The following PACRG variants were observed in gnomAD, a reference collection of about 807,000 sequenced individuals.
The protein encoded by PACRG is parkin coregulated.
In PACRG, 29 loss-of-function variants were observed where a neutral mutation model predicts 29.7. The ratio of observed to expected loss-of-function variants is 0.98; its 90% CI spans 0.73 to 1.33. The LOEUF is 1.33. Ranked by LOEUF, PACRG falls within the 40% of genes most tolerant of loss-of-function variation. The pLI is 0.00. For synonymous variants in PACRG, 116 were observed against 118.7 expected, an observed-to-expected ratio of 0.98 and a Z score of 0.15; for missense variants, 279 against 316.2, an observed-to-expected ratio of 0.88 and a Z score of 0.89.
rs1398073481 is a variant in PACRG, at chr6:163,258,070, G to T, written c.614-56757G>T. Among the ~76,000 whole-genome samples the T allele has an allele frequency of 2.6e-5, 4 of 151,908 alleles. No individual in the cohort carries two copies. In the East Asian group the frequency reaches 7.8e-4, roughly 29 times the overall value. Reference sequence around the variant, plus strand: ...TTTATGTCTCATTGCATTAACTAGAGTTTTCAGAACACTATTAAGGAATCA... The same window carrying T: ...TTTATGTCTCATTGCATTAACTAGATTTTTCAGAACACTATTAAGGAATCA... On this transcript the variant is annotated intron_variant, in intron 4 of 4. Transcript: ENST00000366888.
rs1783743684 is a variant in PACRG at position 163,269,956 on chromosome 6, AAAGAAAGAAAGAAAG to A, written c.614-44868_614-44854del. 1.0e-4 allele frequency among the ~76,000 whole-genome samples: 7 copies of A among 68,904 alleles called. 1 individual carries two copies. Among genetic ancestry groups the A allele is most frequent in the East Asian group, 8.0e-4 (2 of 2,490 alleles). 45.2% of individuals were successfully genotyped at this position (68,904 alleles called of 152,430 possible). ...CAAAGAAAGAAAGAAAGAAAGAAAG[AAAGAAAGAAAGAAAG>A]AAAGAAAGAAAGAAAGAAAGAAAGA... On this transcript the variant is annotated intron_variant, in intron 4 of 4. Coordinates refer to ENST00000366888, the MANE Select transcript of PACRG (RefSeq NM_001080379.2).
rs982614501 is a variant in PACRG at position 162,830,544 on chromosome 6, G to A, written c.291+16263G>A. Among the ~76,000 whole-genome samples the A allele has an allele frequency of 8.5e-5, 13 of 152,368 alleles. 1 individual carries two copies. Among genetic ancestry groups the A allele is most frequent in the African/African-American group, 3.1e-4 (13 of 41,598 alleles). On this transcript the variant is annotated intron_variant, in intron 2 of 4. Coordinates refer to ENST00000366888, the MANE Select transcript of PACRG (RefSeq NM_001080379.2). Reference sequence around the variant, plus strand: ...ATCCCCCTCTCCCCAGGGACACAGTGATGTTTCTCCAGAGCTCAATACCAT... The same window carrying A: ...ATCCCCCTCTCCCCAGGGACACAGTAATGTTTCTCCAGAGCTCAATACCAT...
At chr6:163,064,378 C>T (rs535211209) in intron 3 of PACRG, among the ~76,000 whole-genome samples, 4 of 152,242 alleles carry the variant, frequency 2.6e-5, no homozygotes, top group Admixed American at 2.0e-4. Flanking sequence ...TGAGCGAAAA[C>T]GTTATCAAGA....
intron 4 of PACRG, among the ~76,000 whole-genome samples, chr6:163,186,154 G>A (rs1779915860): frequency 6.6e-6 from 1 of 152,172 alleles, no homozygotes; most frequent in Non-Finnish European, 1.5e-5. Flanking sequence ...TGCCTAGCCA[G>A]GGGGCTTCGT....
At chr6:163,019,217 A>G (rs1271539738) in intron 2 of PACRG, among the ~76,000 whole-genome samples, 2 of 152,152 alleles carry the variant, frequency 1.3e-5, no homozygotes, top group Admixed American at 1.3e-4. Flanking sequence ...AAGGGATTTG[A>G]CAACACTCTT....
chr6:163,285,771 C>T lies in PACRG; in HGVS notation c.614-29056C>T, dbSNP rs890885567. 2.5e-4 allele frequency among the ~76,000 whole-genome samples: 38 copies of T among 152,296 alleles called. 1 individual carries two copies. Among genetic ancestry groups the T allele is most frequent in the Admixed American group, 1.7e-3 (26 of 15,292 alleles). ...CTGTCATGGATGCATATACTATGTG[C>T]GGCTCTGTATAAATTCCTCTCAGGT... On this transcript the variant is annotated intron_variant, in intron 4 of 4. Coordinates refer to ENST00000366888, the MANE Select transcript of PACRG (RefSeq NM_001080379.2).
In PACRG at chr6:162,929,426, G is replaced by A. The variant is rs182543345; in HGVS notation, c.291+115145G>A. ...TGGATCTTCTGCCCATTTTTAAATT[G>A]TATTATTTACTTTTTGTTATTGAGT... On this transcript the variant is annotated intron_variant, in intron 2 of 4. Transcript: ENST00000366888. Among the ~76,000 whole-genome samples the A allele has an allele frequency of 2.0e-3, 308 of 151,836 alleles. 1 individual carries two copies. Among genetic ancestry groups the A allele is most frequent in the Non-Finnish European group, 3.5e-3 (236 of 67,762 alleles).
chr6:163,248,805 G>C (rs1364900529), intron 4 of PACRG, among the ~76,000 whole-genome samples: 1 of 152,102 alleles, frequency 6.6e-6, no homozygotes, highest in African/African-American at 2.4e-5. Flanking sequence ...ACGAGGTCAG[G>C]AGATCGGGAC....
At chr6:163,251,319 C>T (rs1228939215) in intron 4 of PACRG, among the ~76,000 whole-genome samples, 1 of 151,888 alleles carries the variant, frequency 6.6e-6, no homozygotes, top group African/African-American at 2.4e-5. Context: ...TGGAAAAGAA[C>T]TGGGATCATG....
At chr6:163,054,239 G>A (rs1562870891) in intron 2 of PACRG, 1 of 152,188 alleles carries the variant, frequency 6.6e-6, no homozygotes. Context: ...AGATCATAAT[G>A]GTGGGGCCTT....
Position 163,062,243 on chromosome 6 carries a change from C to A in PACRG, c.385C>A (p.Gln129Lys). Residue 129 changes from glutamine to lysine, a missense_variant, in exon 3 of 5, where the codon CAA becomes AAA. Gln to Lys is a moderately conservative substitution (Grantham distance 53). Transcript: ENST00000366888. The part of the protein sequence containing the change: ...MTFPYEFFAR[Q>K]GIHDMLEHGG... ...ATTTCCCTATGAGTTTTTTGCTCGGCAAGGAATCCACGACATGCTGGAACA... is the reference window on the plus strand; with the variant it reads ...ATTTCCCTATGAGTTTTTTGCTCGGAAAGGAATCCACGACATGCTGGAACA... The A allele has an allele frequency of 6.8e-6, 11 of 1,614,072 alleles. No individual in the cohort carries two copies. Among genetic ancestry groups the A allele is most frequent in the Non-Finnish European group, 9.3e-6 (11 of 1,179,998 alleles).
intron 4 of PACRG, among the ~76,000 whole-genome samples, chr6:163,096,137 A>G (rs2128308409): frequency 6.6e-6 from 1 of 152,234 alleles, no homozygotes; most frequent in Middle Eastern, 3.4e-3. Flanking sequence ...TGAGTAGGGG[A>G]GATGCAGGGA....
chr6:163,307,961 T>G (rs13219328), intron 4 of PACRG, among the ~76,000 whole-genome samples: 39,517 of 152,118 alleles, frequency 0.26, 5,657 homozygotes, highest in African/African-American at 0.38. Flanking sequence ...TAAACTTTAC[T>G]GGAGAAAACT....
At chr6:162,971,096 G>A (rs929234755) in intron 2 of PACRG, among the ~76,000 whole-genome samples, 1 of 152,196 alleles carries the variant, frequency 6.6e-6, no homozygotes, top group African/African-American at 2.4e-5. Flanking sequence ...TGTAAAGACT[G>A]ACCTCTCTTC....
At chr6:162,805,174 A>G (rs1053679847) in intron 1 of PACRG, among the ~76,000 whole-genome samples, 1 of 152,180 alleles carries the variant, frequency 6.6e-6, no homozygotes, top group Admixed American at 6.5e-5. Flanking sequence ...ACACATGACT[A>G]TATATAAAGG....
chr6:163,084,603 G>A (rs117978626), intron 3 of PACRG, among the ~76,000 whole-genome samples: 2,035 of 152,098 alleles, frequency 0.013, 22 homozygotes, highest in Middle Eastern at 0.027. Context: ...GCCATTACGC[G>A]TTACAGTTCA....
chr6:162,747,580 A>G (rs80218476), intron 1 of PACRG, among the ~76,000 whole-genome samples: 152 of 148,694 alleles, frequency 1.0e-3, no homozygotes, highest in African/African-American at 3.7e-3. Flanking sequence ...TGGGTATATT[A>G]GACAAAATTG....
chr6:163,303,492 A>G (rs1045246745), intron 4 of PACRG, among the ~76,000 whole-genome samples: 6 of 152,212 alleles, frequency 3.9e-5, no homozygotes, highest in African/African-American at 1.2e-4. Flanking sequence ...AGTTTTCACC[A>G]CCAGTGTAGA....
intron 2 of PACRG, among the ~76,000 whole-genome samples, chr6:162,992,925 AT>A (rs1803589778): frequency 6.6e-6 from 1 of 151,586 alleles, no homozygotes; most frequent in African/African-American, 2.4e-5. Flanking sequence ...CGTCCCAGAG[AT>A]TCTGGTATGT....
Sources: allele counts gnomAD v4.1 joint callset (sites outside exome capture counted in the v4.1 genomes callset), GRCh38; gene constraint gnomAD v4.1.1; transcripts MANE v1.5; gene names NCBI Gene and HGNC (gene_info 2026-07-23, HGNC 2026-07-21).